Variants in ZIM2 observed in about 807,000 individuals in gnomAD.
The protein encoded by ZIM2 is zinc finger protein 656.
A neutral mutation model predicts 38.6 loss-of-function variants in ZIM2; 14 were observed. That is an observed-to-expected ratio of 0.36 (90% CI 0.24 to 0.57). ZIM2 has a LOEUF of 0.57. Among genes scored for constraint, ZIM2 ranks in the 20% least tolerant of loss-of-function variants. The pLI is 0.81. For synonymous variants in ZIM2, 247 were observed against 245.8 expected, an observed-to-expected ratio of 1.00 and a Z score of -0.04; for missense variants, 680 against 695.1, an observed-to-expected ratio of 0.98 and a Z score of 0.24.
At chr19:56,793,830 A>C (rs2047062701) in intron 9 of ZIM2, among the ~76,000 whole-genome samples, 1 of 152,202 alleles carries the variant, frequency 6.6e-6, no homozygotes, top group Non-Finnish European at 1.5e-5. Context: ...TCAAAAAAAA[A>C]AGGTCTGTAT....
At chr19:56,816,847 A>G (rs1319608041) in intron 9 of ZIM2, 2 of 1,614,038 alleles carry the variant, frequency 1.2e-6, no homozygotes, top group Non-Finnish European at 1.7e-6. Flanking sequence ...ACATTCCACA[A>G]GATAACCTCT....
At chr19:56,830,697 A>G (rs2061492348) in intron 2 of ZIM2, among the ~76,000 whole-genome samples, 1 of 152,218 alleles carries the variant, frequency 6.6e-6, no homozygotes, top group Admixed American at 6.5e-5. Flanking sequence ...TAATAGCAAA[A>G]CAAATAAATA....
intron 6 of ZIM2, 37 bp from the exon 7 acceptor site, chr19:56,821,791 C>CA (rs2060514691): frequency 1.2e-6 from 2 of 1,609,258 alleles, no homozygotes; most frequent in Non-Finnish European, 1.7e-6. Context: ...AAGCAGGGCC[C>CA]AGTCCATCCT....
chr19:56,833,465 T>C, intron 2 of ZIM2: 1 of 308,800 alleles, frequency 3.2e-6, no homozygotes, highest in South Asian at 2.8e-5. Context: ...TGGAGTAAGA[T>C]GCTGTCCCAG....
intron 9 of ZIM2, chr19:56,816,958 A>G: frequency 6.2e-7 from 1 of 1,614,096 alleles, no homozygotes; most frequent in Middle Eastern, 1.6e-4. Flanking sequence ...ACTTTTCTGA[A>G]CTTCACTGAC....
intron 9 of ZIM2, among the ~76,000 whole-genome samples, chr19:56,797,169 A>C (rs2047273859): frequency 6.6e-6 from 1 of 152,170 alleles, no homozygotes; most frequent in Non-Finnish European, 1.5e-5. Context: ...TTTAAAAAAT[A>C]GCTGGGTGTG....
intron 9 of ZIM2, chr19:56,812,364 A>G (rs2059595833): frequency 1.0e-6 from 1 of 984,992 alleles, no homozygotes; most frequent in Non-Finnish European, 1.2e-6. Context: ...AACAAAACAA[A>G]TTAAGGCTGC....
chr19:56,815,679 T>C (rs2059915187), intron 9 of ZIM2: 1 of 1,614,078 alleles, frequency 6.2e-7, no homozygotes, highest in African/African-American at 1.3e-5. Context: ...GAACAGAGAA[T>C]TCGCCATCCT....
intron 1 of ZIM2, 124 bp from the exon 2 acceptor site, chr19:56,836,228 A>G (rs1322700582): frequency 5.5e-6 from 2 of 362,672 alleles, no homozygotes; most frequent in Non-Finnish European, 1.1e-5. Context: ...AAATGAGACC[A>G]TGAAAAGCAT....
intron 9 of ZIM2, chr19:56,813,968 C>T: frequency 6.2e-7 from 1 of 1,614,140 alleles, no homozygotes; most frequent in Non-Finnish European, 8.5e-7. Flanking sequence ...TCTTCACCTT[C>T]TTCTGGGTCT....
intron 9 of ZIM2, chr19:56,791,249 A>G (rs1032490350): frequency 6.6e-6 from 1 of 152,192 alleles, no homozygotes; most frequent in African/African-American, 2.4e-5. Flanking sequence ...TAAGTTGTGG[A>G]ACCATGGTCA....
At chr19:56,820,756 G>C (rs1013464296) in intron 7 of ZIM2, among the ~76,000 whole-genome samples, 3 of 152,220 alleles carry the variant, frequency 2.0e-5, no homozygotes, top group African/African-American at 7.2e-5. Context: ...CAACATTTGT[G>C]TCAATACTTA....
At chr19:56,808,660 C>A (rs1322010918) in intron 9 of ZIM2, among the ~76,000 whole-genome samples, 1 of 152,104 alleles carries the variant, frequency 6.6e-6, no homozygotes, top group Non-Finnish European at 1.5e-5. Flanking sequence ...ATGTTCATTG[C>A]TCTTCACCCT....
chr19:56,813,470 C>CA, intron 9 of ZIM2: 2 of 1,391,692 alleles, frequency 1.4e-6, no homozygotes, highest in Non-Finnish European at 1.9e-6. Flanking sequence ...CACATGCAGA[C>CA]ACTGACATCT....
chr19:56,777,836 T>C (rs1441843873), intron 12 of ZIM2, among the ~76,000 whole-genome samples: 1 of 152,216 alleles, frequency 6.6e-6, no homozygotes, highest in Admixed American at 6.5e-5. Flanking sequence ...AATAAAATTC[T>C]TTAACATATT....
intron 9 of ZIM2, among the ~76,000 whole-genome samples, chr19:56,795,929 AAGT>A (rs2047198592): frequency 6.6e-6 from 1 of 152,214 alleles, no homozygotes; most frequent in African/African-American, 2.4e-5. Context: ...ACTTGAGGAT[AAGT>A]GGTAAAAATA....
At chr19:56,818,071 T>C (rs1277571703) in intron 8 of ZIM2, among the ~76,000 whole-genome samples, 2 of 152,244 alleles carry the variant, frequency 1.3e-5, no homozygotes, top group Non-Finnish European at 2.9e-5. Context: ...AGACCCCACA[T>C]GTCCCTGAAA....
Position 56,818,165 on chromosome 19 carries a change from C to T in ZIM2, c.398-327G>A, listed in dbSNP as rs115743577. On this transcript the variant is annotated intron_variant, in intron 8 of 12. Coordinates refer to ENST00000629319, the MANE Select transcript of ZIM2 (RefSeq NM_001387356.1). ...CACTGGCCTTCTTCCTCTTACCTCG[C>T]GACTGCTCTTCCTCCACCCACTCCC... Among the ~76,000 whole-genome samples, 461 of 152,276 alleles carry T rather than the reference C, an allele frequency of 3.0e-3. 2 individuals carry two copies. Among genetic ancestry groups the T allele is most frequent in the African/African-American group, 0.01 (425 of 41,554 alleles).
At chr19:56,775,745 A>C (rs1044928837) in intron 12 of ZIM2, among the ~76,000 whole-genome samples, 1 of 152,182 alleles carries the variant, frequency 6.6e-6, no homozygotes, top group Admixed American at 6.5e-5. Flanking sequence ...GATAACAAAC[A>C]GATCTTATGG....
Sources: allele counts gnomAD v4.1 joint callset (sites outside exome capture counted in the v4.1 genomes callset), GRCh38; gene constraint gnomAD v4.1.1; transcripts MANE v1.5; gene names NCBI Gene and HGNC (gene_info 2026-07-23, HGNC 2026-07-21).